Variants in PLCL2 observed in about 807,000 individuals in gnomAD.
PLCL2 encodes phospholipase C like 2.
PLCL2 carries 4 observed loss-of-function variants against 79.6 expected under a neutral mutation model. That is an observed-to-expected ratio of 0.05 (90% CI 0.02 to 0.11). The LOEUF (loss-of-function observed/expected upper bound fraction) is 0.11, where lower values mean the gene tolerates loss of function less well. Among genes scored for constraint, PLCL2 ranks in the 10% least tolerant of loss-of-function variants. The pLI, the probability that PLCL2 is intolerant of heterozygous loss-of-function variation, is 1.00. For synonymous variants in PLCL2, 484 were observed against 457.7 expected (o/e 1.06, Z -0.73); for missense variants, 895 against 1,291.0 (o/e 0.69, Z 4.70).
At chr3:16,967,509 A>C (rs993451550) in intron 1 of PLCL2, among the ~76,000 whole-genome samples, 4 of 151,794 alleles carry the variant, frequency 2.6e-5, no homozygotes, top group African/African-American at 9.7e-5. Flanking sequence ...GCATTTCTCT[A>C]ATGATTATTG....
At chr3:16,930,949 C>A (rs1697377819) in intron 1 of PLCL2, among the ~76,000 whole-genome samples, 1 of 152,156 alleles carries the variant, frequency 6.6e-6, no homozygotes, top group Non-Finnish European at 1.5e-5. Context: ...ATATTCTAGG[C>A]ATGTCAGTCT....
Position 17,075,518 on chromosome 3 carries a change from G to A in PLCL2, c.3204+7453G>A, listed in dbSNP as rs113187566. On this transcript the variant is annotated intron_variant, in intron 5 of 5. Transcript: ENST00000615277. Reference sequence around the variant, plus strand: ...AAATGACACTGTAGACTTGCTTGACGCAAGGTTGCCACAAACCTTCAATGT... The same window carrying A: ...AAATGACACTGTAGACTTGCTTGACACAAGGTTGCCACAAACCTTCAATGT... Among the ~76,000 whole-genome samples, 608 of 147,414 alleles carry A rather than the reference G, an allele frequency of 4.1e-3. 6 individuals carry two copies. Among genetic ancestry groups the A allele is most frequent in the African/African-American group, 0.014 (572 of 39,542 alleles).
chr3:17,007,383 T>C (rs979494659), intron 1 of PLCL2, among the ~76,000 whole-genome samples: 10 of 152,244 alleles, frequency 6.6e-5, no homozygotes, highest in Non-Finnish European at 1.2e-4. Context: ...ACTAATTTCA[T>C]GCTAACTCAC....
At chr3:16,995,527 AT>A (rs1185475340) in intron 1 of PLCL2, among the ~76,000 whole-genome samples, 1 of 152,112 alleles carries the variant, frequency 6.6e-6, no homozygotes, top group Admixed American at 6.5e-5. Context: ...TTCTTCCAAC[AT>A]TGCAGTCTCT....
At chr3:16,923,971 C>T (rs181356319) in intron 1 of PLCL2, among the ~76,000 whole-genome samples, 1 of 152,228 alleles carries the variant, frequency 6.6e-6, no homozygotes, top group East Asian at 1.9e-4. Context: ...TCATTTTGAT[C>T]TATTTGTTGA....
At chr3:16,906,761 A>G (rs919156945) in intron 1 of PLCL2, among the ~76,000 whole-genome samples, 1 of 152,206 alleles carries the variant, frequency 6.6e-6, no homozygotes, top group African/African-American at 2.4e-5. Flanking sequence ...GAAGTTTTCT[A>G]TGAATTCTTT....
At chr3:16,957,533 T>G (rs2063717631) in intron 1 of PLCL2, among the ~76,000 whole-genome samples, 1 of 152,192 alleles carries the variant, frequency 6.6e-6, no homozygotes, top group Admixed American at 6.5e-5. Flanking sequence ...GTTCTGTAGA[T>G]GTCTGTTAGG....
At chr3:17,053,326 G>A (rs79532516) in intron 4 of PLCL2, among the ~76,000 whole-genome samples, 4,288 of 152,064 alleles carry the variant, frequency 0.028, 228 homozygotes, top group African/African-American at 0.099. Context: ...GAGGTGATGC[G>A]CTCTTTTAAA....
At chr3:17,076,355 C>G (rs2065108415) in intron 5 of PLCL2, among the ~76,000 whole-genome samples, 1 of 151,844 alleles carries the variant, frequency 6.6e-6, no homozygotes, top group African/African-American at 2.4e-5. Flanking sequence ...AATTTGGAAA[C>G]TTTTTGGTGA....
rs370626290 is a variant in PLCL2 at position 17,040,531 on chromosome 3, G to A, written c.3019-2343G>A. On this transcript the variant is annotated intron_variant, in intron 3 of 5. Transcript: ENST00000615277. ...GCATTCAGCTAATTTGGGGCTACCA[G>A]AAAATGCTCTGCCAGGCCTCCTGGA... Among the ~76,000 whole-genome samples the A allele has an allele frequency of 5.9e-5, 9 of 152,280 alleles. 1 individual carries two copies. The highest frequency in any genetic ancestry group is 6.5e-5 in the Admixed American group (1 of 15,292).
intron 1 of PLCL2, among the ~76,000 whole-genome samples, chr3:16,955,788 C>A (rs1015059600): frequency 6.6e-6 from 1 of 152,110 alleles, no homozygotes; most frequent in African/African-American, 2.4e-5. Flanking sequence ...CTCTTTGAAG[C>A]AATTGTGAAT....
chr3:17,013,125 C>T (rs1397830419), intron 2 of PLCL2, among the ~76,000 whole-genome samples: 1 of 152,062 alleles, frequency 6.6e-6, no homozygotes, highest in East Asian at 1.9e-4. Flanking sequence ...AGGGCTTTTC[C>T]CTGTTTTTGA....
intron 1 of PLCL2, among the ~76,000 whole-genome samples, chr3:16,968,744 G>A (rs1455074457): frequency 6.6e-6 from 1 of 152,040 alleles, no homozygotes; most frequent in African/African-American, 2.4e-5. Context: ...CTCCCTTCCA[G>A]TTTGGATGCC....
At chr3:16,971,628 A>G (rs982808015) in intron 1 of PLCL2, among the ~76,000 whole-genome samples, 1 of 152,142 alleles carries the variant, frequency 6.6e-6, no homozygotes, top group Non-Finnish European at 1.5e-5. Context: ...GAATCTATAA[A>G]TTACCTTGGG....
chr3:17,056,745 A>T (rs1367253067), intron 4 of PLCL2, among the ~76,000 whole-genome samples: 7 of 152,212 alleles, frequency 4.6e-5, no homozygotes, highest in Non-Finnish European at 8.8e-5. Flanking sequence ...AAGGATAATA[A>T]TGTCTATACC....
In PLCL2 at chr3:17,009,159, A is replaced by G. The variant is rs138168349; in HGVS notation, c.328-515A>G. ...GCCACCATGCCCGGCTAATTTTTGT[A>G]TTTTTAGTAGAGACAGGGTTTCAGC... On this transcript the variant is annotated intron_variant, in intron 1 of 5. Transcript: ENST00000615277. This position sits in a 1 kb window ranked among gnomAD's most constrained non-coding sequence, Gnocchi z 4.0. Among the ~76,000 whole-genome samples, 572 of 151,158 alleles carry G rather than the reference A, an allele frequency of 3.8e-3. 5 individuals are homozygous for G. Among genetic ancestry groups the G allele is most frequent in the African/African-American group, 0.013 (541 of 41,120 alleles).
At chr3:17,012,222 T>C (rs1391561258) in intron 2 of PLCL2, 62 bp downstream of exon 2, 12 of 1,407,546 alleles carry the variant, frequency 8.5e-6, no homozygotes, top group Non-Finnish European at 1.0e-5. Flanking sequence ...GTCCATAGTT[T>C]ATAAATATAT....
At chr3:17,026,624 C>T (rs1335108306) in intron 3 of PLCL2, among the ~76,000 whole-genome samples, 1 of 152,078 alleles carries the variant, frequency 6.6e-6, no homozygotes, top group Non-Finnish European at 1.5e-5. Flanking sequence ...TGCTGTAATC[C>T]CAGCACTTTG....
chr3:16,993,595 G>C (rs2064125387), intron 1 of PLCL2, among the ~76,000 whole-genome samples: 1 of 152,126 alleles, frequency 6.6e-6, no homozygotes, highest in Non-Finnish European at 1.5e-5. Context: ...TTTTAATAAG[G>C]GGATTTGGTA....
Sources: gnomAD v4.1 joint callset for allele counts (sites outside exome capture counted in the v4.1 genomes callset) on GRCh38, gnomAD v4.1.1 for gene constraint, Gnocchi (gnomAD v3.1) non-coding constraint, MANE v1.5 for transcripts, NCBI Gene and HGNC (gene_info 2026-07-23, HGNC 2026-07-21) for gene names.